GRAMD1C: variants seen among roughly 807,000 people sequenced by gnomAD.
The protein encoded by GRAMD1C is protein Aster-C.
In GRAMD1C, 89 loss-of-function variants were observed where a neutral mutation model predicts 97.8. The observed-to-expected ratio is 0.91, with a 90% CI of 0.77 to 1.09. The LOEUF (loss-of-function observed/expected upper bound fraction) is 1.09, where lower values mean the gene tolerates loss of function less well. GRAMD1C is among the 50% of genes least tolerant of loss of function. GRAMD1C has a pLI of 0.00. For synonymous variants in GRAMD1C, 256 were observed against 267.0 expected, an observed-to-expected ratio of 0.96 and a Z score of 0.40; for missense variants, 740 against 766.4, an observed-to-expected ratio of 0.97 and a Z score of 0.41.
chr3:113,930,510 G>C (rs1158512537), intron 10 of GRAMD1C, among the ~76,000 whole-genome samples: 2 of 152,206 alleles, frequency 1.3e-5, no homozygotes, highest in African/African-American at 4.8e-5. Context: ...ATGGATCAGA[G>C]ATGGGGAATA....
At chr3:113,833,130 T>G (rs1260092950) in intron 1 of GRAMD1C, among the ~76,000 whole-genome samples, 2,577 of 149,434 alleles carry the variant, frequency 0.017, 82 homozygotes, top group African/African-American at 0.058. Context: ...CTTTTTTTTT[T>G]TTTTTGTGTG....
At chr3:113,886,724 T>C (rs1223372100) in intron 6 of GRAMD1C, among the ~76,000 whole-genome samples, 1 of 149,376 alleles carries the variant, frequency 6.7e-6, no homozygotes. Context: ...AAGTAAAGAA[T>C]AGAAAAATAG....
rs758650966 is a variant in GRAMD1C at position 113,939,972 on chromosome 3, G to A, written c.1778G>A (p.Arg593His). 14 of 1,589,682 alleles carry A rather than the reference G, an allele frequency of 8.8e-6. No individual in the cohort carries two copies. Among genetic ancestry groups the A allele is most frequent in the East Asian group, 2.2e-5 (1 of 44,766 alleles). ...EHAAQSFYRLRLQEEKSLNLA... is the reference protein window; with the variant it reads ...EHAAQSFYRLHLQEEKSLNLA... ...GCTGCTCAGTCCTTTTACCGTCTCCGCCTCCAAGAAGAGAAATCTTTAAAG... is the reference window on the plus strand; with the variant it reads ...GCTGCTCAGTCCTTTTACCGTCTCCACCTCCAAGAAGAGAAATCTTTAAAG... The change falls in exon 16 of 18, where the codon CGC becomes CAC. Residue 593 changes from arginine to histidine, a missense_variant. Physicochemically the swap from Arg to His is conservative, Grantham distance 29 (BLOSUM62 0). Coordinates refer to ENST00000358160, the MANE Select transcript of GRAMD1C (RefSeq NM_017577.5).
chr3:113,833,719 A>G (rs1353781268), intron 1 of GRAMD1C, among the ~76,000 whole-genome samples: 1 of 152,182 alleles, frequency 6.6e-6, no homozygotes, highest in Admixed American at 6.5e-5. Context: ...AAATGTCACA[A>G]AAGTCTTTTA....
At chr3:113,868,403 A>G (rs1444678444) in intron 2 of GRAMD1C, among the ~76,000 whole-genome samples, 1 of 152,080 alleles carries the variant, frequency 6.6e-6, no homozygotes, top group Admixed American at 6.5e-5. Context: ...TAGATAATAT[A>G]TTGCAGCATC....
At position 113,945,514 on chromosome 3, in the gene GRAMD1C, A is replaced by G. The variant is rs1559832147; in HGVS notation, c.*36A>G. ...GACTAAAACCGCAGAGATACTTGGAACTTAAAGAAAATACCTGGAAGAAAA... is the reference window on the plus strand; with the variant it reads ...GACTAAAACCGCAGAGATACTTGGAGCTTAAAGAAAATACCTGGAAGAAAA... On this transcript the variant is annotated 3_prime_UTR_variant, in exon 18 of 18. Transcript: ENST00000358160. 1.8e-6 allele frequency: 2 copies of G among 1,104,166 alleles called. No homozygotes were observed. The highest frequency in any genetic ancestry group is 1.3e-5 in the South Asian group (1 of 74,978). 68.4% of individuals were successfully genotyped at this position (1,104,166 alleles called of 1,614,324 possible).
chr3:113,892,923 A>C (rs1044862880), intron 6 of GRAMD1C, among the ~76,000 whole-genome samples: 3 of 152,226 alleles, frequency 2.0e-5, no homozygotes, highest in African/African-American at 7.2e-5. Flanking sequence ...TGGTCTGCAC[A>C]CAATGACTAG....
intron 2 of GRAMD1C, among the ~76,000 whole-genome samples, chr3:113,855,167 T>C (rs1245715390): frequency 3.3e-5 from 5 of 152,066 alleles, no homozygotes; most frequent in African/African-American, 1.2e-4. Flanking sequence ...CAAAATCAGC[T>C]GGGCATGGTG....
chr3:113,909,792 T>C (rs1465325734), intron 9 of GRAMD1C, among the ~76,000 whole-genome samples: 2 of 152,206 alleles, frequency 1.3e-5, no homozygotes, highest in East Asian at 3.8e-4. Context: ...AATCTTTCTC[T>C]CTGTAAATGA....
intron 6 of GRAMD1C, chr3:113,897,922 G>A (rs1293926667): frequency 5.9e-6 from 1 of 169,654 alleles, no homozygotes; most frequent in Non-Finnish European, 1.2e-5. Context: ...CTGGGCATAT[G>A]TTTGAATGTT....
In GRAMD1C at chr3:113,866,513, G is replaced by A. The variant is rs7645492; in HGVS notation, c.175-2994G>A. 8.2e-4 allele frequency among the ~76,000 whole-genome samples: 124 copies of A among 151,780 alleles called. 3 individuals are homozygous for A. The highest frequency in any genetic ancestry group is 7.5e-3 in the South Asian group (36 of 4,794). On this transcript the variant is annotated intron_variant, in intron 2 of 17. Coordinates refer to ENST00000358160, the MANE Select transcript of GRAMD1C (RefSeq NM_017577.5). Reference sequence around the variant, plus strand: ...GTTTGACAATTTCTGTGTTTATTCCGTTTACATTTAATGTAGTTATAATAT... The same window carrying A: ...GTTTGACAATTTCTGTGTTTATTCCATTTACATTTAATGTAGTTATAATAT...
chr3:113,883,940 G>A (rs1405881299), intron 6 of GRAMD1C, among the ~76,000 whole-genome samples: 1 of 152,078 alleles, frequency 6.6e-6, no homozygotes, highest in Non-Finnish European at 1.5e-5. Context: ...GAGTCCAGGA[G>A]TTCAGGGCCA....
At chr3:113,941,053 G>A (rs1354287877) in intron 17 of GRAMD1C, among the ~76,000 whole-genome samples, 1 of 152,176 alleles carries the variant, frequency 6.6e-6, no homozygotes, top group Non-Finnish European at 1.5e-5. Flanking sequence ...GTCTGTGTGT[G>A]TCTTCTGTTT....
chr3:113,857,578 G>A (rs555022602), intron 2 of GRAMD1C, among the ~76,000 whole-genome samples: 15 of 151,958 alleles, frequency 9.9e-5, no homozygotes, highest in South Asian at 4.1e-4. Context: ...GGGTTTCACC[G>A]TGTTAGCCAG....
At chr3:113,909,488 C>A (rs748762350) in intron 9 of GRAMD1C, among the ~76,000 whole-genome samples, 5 of 152,140 alleles carry the variant, frequency 3.3e-5, no homozygotes, top group Non-Finnish European at 7.3e-5. Flanking sequence ...AAAATAAGAC[C>A]TACAGGAGCT....
At chr3:113,930,868 T>C (rs1292684849) in intron 11 of GRAMD1C, 36 bp downstream of exon 11, 1 of 1,081,176 alleles carries the variant, frequency 9.2e-7, no homozygotes. Flanking sequence ...AAGAGTCATG[T>C]GTGGGGGAAG....
intron 12 of GRAMD1C, 40 bp downstream of exon 12, chr3:113,933,693 T>C: frequency 7.2e-7 from 1 of 1,395,930 alleles, no homozygotes; most frequent in Non-Finnish European, 1.0e-6. Flanking sequence ...TAGGCTAGAT[T>C]ATGTCCTGGT....
At chr3:113,937,482 A>G (rs767269318) in intron 14 of GRAMD1C, among the ~76,000 whole-genome samples, 42 of 152,344 alleles carry the variant, frequency 2.8e-4, no homozygotes, top group Middle Eastern at 3.4e-3. Flanking sequence ...CTACTTAGCT[A>G]TCAAGCATGT....
intron 5 of GRAMD1C, among the ~76,000 whole-genome samples, chr3:113,877,147 A>G (rs1404476414): frequency 6.6e-6 from 1 of 152,036 alleles, no homozygotes; most frequent in African/African-American, 2.4e-5. Flanking sequence ...GAGCCTGGCT[A>G]TTTTTATTTT....
Sources: gnomAD v4.1 joint callset for allele counts (sites outside exome capture counted in the v4.1 genomes callset) on GRCh38, gnomAD v4.1.1 for gene constraint, MANE v1.5 for transcripts, NCBI Gene and HGNC (gene_info 2026-07-23, HGNC 2026-07-21) for gene names.